TMTC2: variants seen among roughly 807,000 people sequenced by gnomAD.
TMTC2 encodes transmembrane O-mannosyltransferase targeting cadherins 2.
TMTC2 carries 43 observed loss-of-function variants against 82.4 expected under a neutral mutation model. That is an observed-to-expected ratio of 0.52 (90% confidence interval 0.41 to 0.67). The LOEUF (loss-of-function observed/expected upper bound fraction) is 0.67. TMTC2 is among the 30% of genes least tolerant of loss of function. The pLI is 0.00. For missense variants in TMTC2, 919 were observed against 1,012.4 expected, an observed-to-expected ratio of 0.91 and a Z score of 1.25; for synonymous variants, 408 against 381.9, an observed-to-expected ratio of 1.07 and a Z score of -0.80.
In TMTC2 at chr12:83,134,064, G is replaced by GT. The variant is rs1165529597; in HGVS notation, c.*1680dup. 6.6e-6 allele frequency: 1 copy of GT among 152,554 alleles called. No individual in the cohort carries two copies. Among genetic ancestry groups the GT allele is most frequent in the African/African-American group, 2.4e-5 (1 of 41,414 alleles). 9.5% of individuals were successfully genotyped at this position (152,554 alleles called of 1,614,324 possible). The stretch of plus-strand genomic sequence containing the variant: ...AAAGTAGTGTTCCTATGGCATTAGT[G>GT]TTTTTGTGAGAAGGGTAAATGTAGT... On this transcript the variant is annotated 3_prime_UTR_variant, in exon 12 of 12. Coordinates refer to ENST00000321196, the MANE Select transcript of TMTC2 (RefSeq NM_152588.3).
intron 3 of TMTC2, among the ~76,000 whole-genome samples, chr12:82,906,835 A>G (rs898213943): frequency 6.6e-6 from 1 of 152,180 alleles, no homozygotes; most frequent in African/African-American, 2.4e-5. Flanking sequence ...GAGCCTTGGT[A>G]AGAGAAACTA....
intron 4 of TMTC2, among the ~76,000 whole-genome samples, chr12:82,952,816 A>C (rs1877416973): frequency 6.6e-6 from 1 of 151,966 alleles, no homozygotes; most frequent in African/African-American, 2.4e-5. Context: ...CAGGTGATCC[A>C]CCCACCTCGG....
intron 9 of TMTC2, among the ~76,000 whole-genome samples, chr12:83,047,253 G>A (rs1011603411): frequency 1.3e-5 from 2 of 152,246 alleles, no homozygotes; most frequent in South Asian, 2.1e-4. Flanking sequence ...GTATTCCAGA[G>A]GGGCAAGGGA....
chr12:82,729,483 A>G (rs1033145360), intron 1 of TMTC2, among the ~76,000 whole-genome samples: 1 of 152,150 alleles, frequency 6.6e-6, no homozygotes, highest in Non-Finnish European at 1.5e-5. Flanking sequence ...GAATGCACCA[A>G]TCGACACTCT....
At chr12:82,940,142 G>A (rs1876632337) in intron 4 of TMTC2, among the ~76,000 whole-genome samples, 2 of 149,036 alleles carry the variant, frequency 1.3e-5, no homozygotes, top group Admixed American at 1.4e-4. Context: ...CTCAGCCTCC[G>A]GAGTAGCTGG....
chr12:82,758,046 T>G (rs1876432785), intron 1 of TMTC2, among the ~76,000 whole-genome samples: 6 of 152,184 alleles, frequency 3.9e-5, no homozygotes, highest in Admixed American at 3.9e-4. Flanking sequence ...AAGTAAGATT[T>G]GTGTGGTCCT....
At chr12:83,103,589 C>T (rs1045760373) in intron 11 of TMTC2, among the ~76,000 whole-genome samples, 9 of 152,166 alleles carry the variant, frequency 5.9e-5, no homozygotes, top group Non-Finnish European at 1.2e-4. Flanking sequence ...GATCCACCCC[C>T]ATTTCCCAAA....
chr12:82,750,016 G>A (rs1172649998), intron 1 of TMTC2, among the ~76,000 whole-genome samples: 1 of 152,048 alleles, frequency 6.6e-6, no homozygotes, highest in Non-Finnish European at 1.5e-5. Flanking sequence ...GGGATTCCAG[G>A]CATGAGCCAC....
intron 1 of TMTC2, among the ~76,000 whole-genome samples, chr12:82,850,341 G>A (rs1214133621): frequency 1.3e-5 from 2 of 152,132 alleles, no homozygotes; most frequent in African/African-American, 4.8e-5. Context: ...CACATGTAGT[G>A]TTAATAGAAG....
intron 1 of TMTC2, among the ~76,000 whole-genome samples, chr12:82,740,302 A>G (rs145973137): frequency 6.6e-6 from 1 of 152,330 alleles, no homozygotes; most frequent in East Asian, 1.9e-4. Context: ...TATTTATTGA[A>G]CAGCTACTAT....
chr12:82,713,646 G>A (rs1348176360), intron 1 of TMTC2, among the ~76,000 whole-genome samples: 1 of 152,158 alleles, frequency 6.6e-6, no homozygotes, highest in Non-Finnish European at 1.5e-5. Context: ...AGAAAGACCT[G>A]TGCCCATGAT....
At chr12:82,865,069 A>AG (rs1023147799) in intron 2 of TMTC2, among the ~76,000 whole-genome samples, 7 of 150,866 alleles carry the variant, frequency 4.6e-5, no homozygotes, top group African/African-American at 1.5e-4. Flanking sequence ...AAAAAAAAAA[A>AG]AAAAAATAGC....
At chr12:83,080,071 A>T (rs1430793492) in intron 11 of TMTC2, among the ~76,000 whole-genome samples, 1 of 152,128 alleles carries the variant, frequency 6.6e-6, no homozygotes, top group Non-Finnish European at 1.5e-5. Flanking sequence ...CAACATTATC[A>T]TTTTATTTTC....
chr12:82,693,740 C>T (rs946253046), intron 1 of TMTC2, among the ~76,000 whole-genome samples: 7 of 152,040 alleles, frequency 4.6e-5, no homozygotes, highest in East Asian at 1.9e-4. Context: ...GAGGCCGAGG[C>T]GGGTGGATCA....
intron 11 of TMTC2, among the ~76,000 whole-genome samples, chr12:83,078,549 C>G (rs968214): frequency 6.6e-6 from 1 of 152,188 alleles, no homozygotes; most frequent in South Asian, 2.1e-4. Context: ...CTATTATTTT[C>G]TTAGATACCA....
chr12:83,016,880 C>G (rs2137396224), intron 8 of TMTC2, among the ~76,000 whole-genome samples: 1 of 152,192 alleles, frequency 6.6e-6, no homozygotes, highest in Admixed American at 6.5e-5. Context: ...TATTTTAGGG[C>G]TTTTTATGGG....
chr12:83,077,694 C>T (rs1883328066), intron 11 of TMTC2, among the ~76,000 whole-genome samples: 1 of 151,998 alleles, frequency 6.6e-6, no homozygotes, highest in South Asian at 2.1e-4. Flanking sequence ...CCTGCCTCAG[C>T]CTCCCAAGCA....
At chr12:82,694,130 A>C (rs1307313970) in intron 1 of TMTC2, among the ~76,000 whole-genome samples, 1 of 152,152 alleles carries the variant, frequency 6.6e-6, no homozygotes, top group Non-Finnish European at 1.5e-5. Flanking sequence ...ATTTTGAAAA[A>C]GGCAGGAGGA....
At chr12:82,778,449 C>T (rs1223954355) in intron 1 of TMTC2, among the ~76,000 whole-genome samples, 1 of 152,144 alleles carries the variant, frequency 6.6e-6, no homozygotes, top group Admixed American at 6.5e-5. Flanking sequence ...GGCCCAGTGG[C>T]TCATGCCTGT....
Sources: gnomAD v4.1 joint callset for allele counts (sites outside exome capture counted in the v4.1 genomes callset) on GRCh38, gnomAD v4.1.1 for gene constraint, MANE v1.5 for transcripts, NCBI Gene and HGNC (gene_info 2026-07-23, HGNC 2026-07-21) for gene names.